Variants in PLD1 observed in about 807,000 individuals in gnomAD.
PLD1 encodes the protein choline phosphatase 1.
In PLD1, 112 loss-of-function variants were observed where a neutral mutation model predicts 137.1. The observed-to-expected ratio is 0.82, with a 90% CI of 0.70 to 0.96. The LOEUF is 0.96. Ranked by LOEUF, PLD1 falls within the 40% of genes least tolerant of loss-of-function variation. PLD1 has a pLI of 0.00. For synonymous variants in PLD1, 431 were observed against 454.7 expected, an observed-to-expected ratio of 0.95 and a Z score of 0.66; for missense variants, 1,321 against 1,342.0, an observed-to-expected ratio of 0.98 and a Z score of 0.24.
At chr3:171,766,263 G>T (rs537347351) in intron 1 of PLD1, among the ~76,000 whole-genome samples, 1 of 152,128 alleles carries the variant, frequency 6.6e-6, no homozygotes, top group African/African-American at 2.4e-5. Context: ...TTATATGTTG[G>T]TATAGTCTCA....
chr3:171,680,234 T>G (rs9881170), intron 16 of PLD1, among the ~76,000 whole-genome samples: 44,418 of 122,370 alleles, frequency 0.36, 9,734 homozygotes, highest in Non-Finnish European at 0.39. Flanking sequence ...TGTTTTCTTT[T>G]TCTTCCTCTT....
rs1174564536 is a variant in PLD1 at position 171,652,766 on chromosome 3, A to ATTTTTTTTTTTT, written c.2429+6435_2429+6446dup. ...CAGGCATGTACCAGCACACTCAGCTATTTTTTTTTTTTTTTTTTTTTTTTT... is the reference window on the plus strand; with the variant it reads ...CAGGCATGTACCAGCACACTCAGCTATTTTTTTTTTTTTTTTTTTTTTTTTTTTTTTTTTTTT... On this transcript the variant is annotated intron_variant, in intron 21 of 26. Transcript: ENST00000351298. Among the ~76,000 whole-genome samples, 2 of 75,616 alleles carry ATTTTTTTTTTTT rather than the reference A, an allele frequency of 2.6e-5. 1 individual carries two copies. Among genetic ancestry groups the ATTTTTTTTTTTT allele is most frequent in the Non-Finnish European group, 4.7e-5 (2 of 42,180 alleles). 49.6% of individuals were successfully genotyped at this position (75,616 alleles called of 152,430 possible).
chr3:171,709,538 G>T (rs375460094), intron 10 of PLD1, 22 bp downstream of exon 10: 3 of 1,609,486 alleles, frequency 1.9e-6, no homozygotes, highest in Admixed American at 1.7e-5. Flanking sequence ...GCCTTGACAG[G>T]CTTAGAGAAA....
At chr3:171,686,949 T>C (rs1480205409) in intron 15 of PLD1, 151 bp from the exon 16 acceptor site, 1 of 525,328 alleles carries the variant, frequency 1.9e-6, no homozygotes, top group African/African-American at 2.0e-5. Context: ...TTAAGATGGA[T>C]TTCAAAGGAA....
At chr3:171,655,035 T>A (rs531675049) in intron 21 of PLD1, among the ~76,000 whole-genome samples, 1 of 151,556 alleles carries the variant, frequency 6.6e-6, no homozygotes, top group Admixed American at 6.6e-5. Context: ...GTCCAGGGAG[T>A]TGGCAATTTG....
At chr3:171,676,594 G>C (rs1713377026) in intron 18 of PLD1, 121 bp downstream of exon 18, 1 of 765,764 alleles carries the variant, frequency 1.3e-6, no homozygotes, top group African/African-American at 1.7e-5. Context: ...GCCAACAGCA[G>C]AGCAGTGACA....
chr3:171,654,318 A>G, intron 21 of PLD1: 3 of 318,368 alleles, frequency 9.4e-6, no homozygotes, highest in Non-Finnish European at 6.0e-6. Context: ...AAAAAAAAAA[A>G]AAGAACATGG....
chr3:171,682,001 T>C (rs1057472324), intron 16 of PLD1, among the ~76,000 whole-genome samples: 1 of 152,058 alleles, frequency 6.6e-6, no homozygotes, highest in Non-Finnish European at 1.5e-5. Flanking sequence ...TTAATGTAGA[T>C]GACAGGTTGA....
At chr3:171,651,103 C>T (rs140680570) in intron 21 of PLD1, among the ~76,000 whole-genome samples, 5 of 152,186 alleles carry the variant, frequency 3.3e-5, no homozygotes, top group African/African-American at 1.2e-4. Flanking sequence ...TTAGGAGAAG[C>T]TTGATCTGCT....
chr3:171,675,399 C>T (rs1713245662), intron 18 of PLD1, among the ~76,000 whole-genome samples: 1 of 152,106 alleles, frequency 6.6e-6, no homozygotes, highest in Non-Finnish European at 1.5e-5. Context: ...TTATTAGAAG[C>T]CATATCAAAA....
Position 171,737,598 on chromosome 3 carries a change from C to A in PLD1, c.222G>T (p.Thr74=), listed in dbSNP as rs144748395. Residue 74 remains threonine, a synonymous_variant, in exon 3 of 27, where the codon ACG becomes ACT. Transcript: ENST00000351298. ...TQGFKEPNIQ[T]YLSGCPIKAQ... is the part of the protein sequence containing the mutation. The stretch of plus-strand genomic sequence containing the variant: ...CTTTTATTGGACAGCCGGAGAGATA[C>A]GTCTGTATATTAGGCTCCTTAAATC... The A allele has an allele frequency of 1.2e-6, 2 of 1,609,544 alleles. No homozygotes were observed. The highest frequency in any genetic ancestry group is 1.7e-5 in the Admixed American group (1 of 59,848).
chr3:171,682,258 T>A (rs1425553269), intron 16 of PLD1, among the ~76,000 whole-genome samples: 2 of 152,172 alleles, frequency 1.3e-5, no homozygotes, highest in Non-Finnish European at 2.9e-5. Context: ...TAATTCTGAA[T>A]GAAAAAAAAT....
intron 23 of PLD1, among the ~76,000 whole-genome samples, chr3:171,639,671 A>G (rs1159447326): frequency 8.2e-6 from 1 of 121,732 alleles, no homozygotes; most frequent in Non-Finnish European, 1.6e-5. Context: ...CATATAATAT[A>G]TATTATATAT....
chr3:171,773,813 G>GGA (rs1722493863), intron 1 of PLD1, among the ~76,000 whole-genome samples: 1 of 151,884 alleles, frequency 6.6e-6, no homozygotes, highest in South Asian at 2.1e-4. Context: ...CAGTGGCGCT[G>GGA]TCTCGGCTCA....
chr3:171,758,208 A>G (rs925601127), intron 1 of PLD1, among the ~76,000 whole-genome samples: 1 of 152,166 alleles, frequency 6.6e-6, no homozygotes, highest in Non-Finnish European at 1.5e-5. Context: ...GTAAATTTTC[A>G]TATTATTTGC....
intron 23 of PLD1, among the ~76,000 whole-genome samples, chr3:171,630,009 A>C (rs993023583): frequency 6.6e-6 from 1 of 152,228 alleles, no homozygotes; most frequent in African/African-American, 2.4e-5. Context: ...CAAAATTGAC[A>C]AATTGGATCT....
At chr3:171,679,918 T>C (rs1490644709) in intron 16 of PLD1, among the ~76,000 whole-genome samples, 1 of 152,172 alleles carries the variant, frequency 6.6e-6, no homozygotes, top group African/African-American at 2.4e-5. Flanking sequence ...GGGGGTCTCG[T>C]TAGGCTGCTA....
intron 1 of PLD1, among the ~76,000 whole-genome samples, chr3:171,764,391 C>T (rs1453821306): frequency 6.6e-6 from 1 of 152,134 alleles, no homozygotes; most frequent in Non-Finnish European, 1.5e-5. Flanking sequence ...TACAAGAACC[C>T]TCTAAGGTAA....
chr3:171,704,786 C>G (rs1211835077), intron 11 of PLD1, among the ~76,000 whole-genome samples: 1 of 152,150 alleles, frequency 6.6e-6, no homozygotes, highest in African/African-American at 2.4e-5. Flanking sequence ...AGTCCCCAAC[C>G]TTTTTGGCAC....
Sources: allele counts gnomAD v4.1 joint callset (sites outside exome capture counted in the v4.1 genomes callset), GRCh38; gene constraint gnomAD v4.1.1; transcripts MANE v1.5; gene names NCBI Gene and HGNC (gene_info 2026-07-23, HGNC 2026-07-21).